EPHA6: variants seen among roughly 807,000 people sequenced by gnomAD.
EPHA6 encodes the protein ephrin type-A receptor 6.
EPHA6 carries 50 observed loss-of-function variants against 112.0 expected under a neutral mutation model. That is an observed-to-expected ratio of 0.45 (90% CI 0.36 to 0.56). The LOEUF (loss-of-function observed/expected upper bound fraction) is 0.56. Among genes scored for constraint, EPHA6 ranks in the 20% least tolerant of loss-of-function variants. The pLI, the probability that EPHA6 is intolerant of heterozygous loss-of-function variation, is 0.00. For synonymous variants in EPHA6, 529 were observed against 490.7 expected, an observed-to-expected ratio of 1.08 and a Z score of -1.03; for missense variants, 1,280 against 1,417.4, an observed-to-expected ratio of 0.90 and a Z score of 1.56.
At chr3:97,297,598 T>C (rs1196783940) in intron 5 of EPHA6, among the ~76,000 whole-genome samples, 1 of 152,130 alleles carries the variant, frequency 6.6e-6, no homozygotes, top group Non-Finnish European at 1.5e-5. Context: ...AACAATAAAG[T>C]TGGTTTTTCT....
At chr3:97,622,162 G>C (rs986240204) in intron 13 of EPHA6, among the ~76,000 whole-genome samples, 3 of 151,748 alleles carry the variant, frequency 2.0e-5, no homozygotes, top group African/African-American at 4.8e-5. Flanking sequence ...GTATCCATCT[G>C]CAGAACTCTA....
chr3:97,123,125 A>G (rs557962583), intron 3 of EPHA6, among the ~76,000 whole-genome samples: 1 of 152,252 alleles, frequency 6.6e-6, no homozygotes, highest in South Asian at 2.1e-4. Flanking sequence ...AATGAAAATC[A>G]CAAATTAGGT....
intron 3 of EPHA6, among the ~76,000 whole-genome samples, chr3:97,141,060 A>G (rs961860440): frequency 6.6e-6 from 1 of 152,172 alleles, no homozygotes; most frequent in Non-Finnish European, 1.5e-5. Flanking sequence ...CATTAAATCA[A>G]CAACAGTAAA....
intron 12 of EPHA6, among the ~76,000 whole-genome samples, chr3:97,592,960 T>A (rs975847875): frequency 3.3e-5 from 5 of 152,180 alleles, no homozygotes; most frequent in Non-Finnish European, 5.9e-5. Context: ...TAGTGCTGCC[T>A]CCTCTCCTGA....
intron 14 of EPHA6, among the ~76,000 whole-genome samples, chr3:97,664,162 G>A (rs1298385669): frequency 1.3e-5 from 2 of 152,094 alleles, no homozygotes; most frequent in African/African-American, 2.4e-5. Flanking sequence ...CATATCCTTT[G>A]CCCACTTTTT....
intron 11 of EPHA6, among the ~76,000 whole-genome samples, chr3:97,544,667 T>G (rs1469391817): frequency 6.6e-6 from 1 of 152,226 alleles, no homozygotes; most frequent in Admixed American, 6.5e-5. Context: ...GAAGGAATGG[T>G]ACCAGCTCCT....
intron 3 of EPHA6, among the ~76,000 whole-genome samples, chr3:97,221,546 A>G (rs1391579875): frequency 2.6e-5 from 4 of 152,112 alleles, no homozygotes; most frequent in Non-Finnish European, 5.9e-5. Context: ...GAAGTAGTAG[A>G]GAAGGAAAGA....
intron 1 of EPHA6, among the ~76,000 whole-genome samples, chr3:96,855,655 C>T (rs548662148): frequency 6.7e-6 from 1 of 150,218 alleles, no homozygotes; most frequent in African/African-American, 2.5e-5. Context: ...AGTTGAAATC[C>T]CTAAACTGAT....
intron 11 of EPHA6, among the ~76,000 whole-genome samples, chr3:97,547,371 C>T (rs1451154584): frequency 2.0e-5 from 3 of 152,088 alleles, no homozygotes; most frequent in Non-Finnish European, 2.9e-5. Context: ...CGGTGGCTAC[C>T]GAACAGCAGA....
chr3:96,952,053 A>C (rs2107723229), intron 2 of EPHA6, among the ~76,000 whole-genome samples: 1 of 152,244 alleles, frequency 6.6e-6, no homozygotes, highest in East Asian at 1.9e-4. Flanking sequence ...GGTTCTTGGA[A>C]AATTTAATTA....
chr3:96,880,512 AT>A (rs930092337), intron 2 of EPHA6, among the ~76,000 whole-genome samples: 38 of 151,998 alleles, frequency 2.5e-4, no homozygotes, highest in African/African-American at 7.7e-4. Context: ...CTCAGCTAAT[AT>A]TTTCCCCCCT....
At chr3:97,116,074 T>C (rs545069759) in intron 3 of EPHA6, among the ~76,000 whole-genome samples, 79 of 151,904 alleles carry the variant, frequency 5.2e-4, no homozygotes, top group African/African-American at 1.7e-3. Flanking sequence ...GATTTTCTTC[T>C]ACAGTGAAAG....
chr3:97,546,454 C>A (rs1280901687), intron 11 of EPHA6, among the ~76,000 whole-genome samples: 1 of 152,198 alleles, frequency 6.6e-6, no homozygotes, highest in Non-Finnish European at 1.5e-5. Context: ...TGATGGGCTT[C>A]CCTTTGAGGG....
At chr3:96,926,004 T>C (rs974231486) in intron 2 of EPHA6, among the ~76,000 whole-genome samples, 18 of 152,144 alleles carry the variant, frequency 1.2e-4, no homozygotes. Context: ...TTGGGGTTCG[T>C]TTGCTCTTGG....
intron 2 of EPHA6, among the ~76,000 whole-genome samples, chr3:96,908,842 G>A (rs1252305773): frequency 4.6e-5 from 7 of 151,878 alleles, no homozygotes; most frequent in African/African-American, 9.7e-5. Flanking sequence ...GGACTTATTC[G>A]GAGGCACTGT....
At chr3:97,160,123 C>T (rs995310564) in intron 3 of EPHA6, among the ~76,000 whole-genome samples, 1 of 152,004 alleles carries the variant, frequency 6.6e-6, no homozygotes, top group Non-Finnish European at 1.5e-5. Flanking sequence ...CCATCGTGGT[C>T]GCTTTGTTCT....
intron 14 of EPHA6, among the ~76,000 whole-genome samples, chr3:97,672,050 T>C (rs1435935177): frequency 6.6e-6 from 1 of 152,204 alleles, no homozygotes; most frequent in Non-Finnish European, 1.5e-5. Flanking sequence ...ATGAGTACTT[T>C]GTGCTTTCCA....
chr3:97,346,331 G>A (rs1215742242), intron 5 of EPHA6, among the ~76,000 whole-genome samples: 1 of 152,112 alleles, frequency 6.6e-6, no homozygotes, highest in African/African-American at 2.4e-5. Context: ...GAAACACTTA[G>A]CCAGGAAACC....
chr3:96,871,443 C>G (rs1246415522), intron 2 of EPHA6, among the ~76,000 whole-genome samples: 1 of 151,780 alleles, frequency 6.6e-6, no homozygotes, highest in Admixed American at 6.6e-5. Context: ...ATGAAAAATC[C>G]AGACTTCTAT....
Sources: allele counts gnomAD v4.1 joint callset (sites outside exome capture counted in the v4.1 genomes callset), GRCh38; gene constraint gnomAD v4.1.1; transcripts MANE v1.5; gene names NCBI Gene and HGNC (gene_info 2026-07-23, HGNC 2026-07-21).